CYTH1: variants seen among roughly 807,000 people sequenced by gnomAD.
The protein encoded by CYTH1 is cytohesin 1, also known as cytohesin-1.
Under a neutral mutation model 61.8 loss-of-function variants are expected in CYTH1, and 18 were observed. That is an observed-to-expected ratio of 0.29 (90% CI 0.20 to 0.43). CYTH1 has a LOEUF of 0.43. CYTH1 is among the 20% of genes least tolerant of loss of function. The pLI is 1.00. For missense variants in CYTH1, 336 were observed against 510.5 expected, an observed-to-expected ratio of 0.66 and a Z score of 3.29; for synonymous variants, 174 against 184.3, an observed-to-expected ratio of 0.94 and a Z score of 0.45.
At chr17:78,730,667 T>G (rs1194570522) in intron 1 of CYTH1, among the ~76,000 whole-genome samples, 1 of 151,884 alleles carries the variant, frequency 6.6e-6, no homozygotes, top group African/African-American at 2.4e-5. Context: ...ATTATTATTA[T>G]TATTTTTTTG....
intron 1 of CYTH1, among the ~76,000 whole-genome samples, chr17:78,775,108 TCACACCATC>T (rs2093485898): frequency 6.6e-6 from 1 of 152,184 alleles, no homozygotes; most frequent in Non-Finnish European, 1.5e-5. Flanking sequence ...TCCCGAGGCA[TCACACCATC>T]CACAGACCAC....
intron 1 of CYTH1, among the ~76,000 whole-genome samples, chr17:78,775,418 C>T (rs2093487213): frequency 6.6e-6 from 1 of 152,208 alleles, no homozygotes; most frequent in Admixed American, 6.5e-5. Context: ...AATTGGACCT[C>T]AATGCTTCTC....
chr17:78,770,982 G>C (rs929653782), intron 1 of CYTH1, among the ~76,000 whole-genome samples: 1 of 152,116 alleles, frequency 6.6e-6, no homozygotes, highest in Admixed American at 6.5e-5. Context: ...ACAAAAACTG[G>C]CCAGGCGCAG....
chr17:78,693,193 G>A (rs931587923), intron 10 of CYTH1, among the ~76,000 whole-genome samples: 6 of 152,160 alleles, frequency 3.9e-5, no homozygotes, highest in Non-Finnish European at 7.4e-5. Context: ...AGCCTTTTCC[G>A]TTCTGGGCTT....
At chr17:78,730,195 G>C (rs1194096458) in intron 1 of CYTH1, among the ~76,000 whole-genome samples, 2 of 151,788 alleles carry the variant, frequency 1.3e-5, no homozygotes, top group African/African-American at 2.4e-5. Flanking sequence ...AACACAAAGG[G>C]AAAGAGACTT....
chr17:78,712,085 G>GA (rs1282213887), intron 1 of CYTH1, among the ~76,000 whole-genome samples: 1 of 122,016 alleles, frequency 8.2e-6, no homozygotes, highest in African/African-American at 2.9e-5. Flanking sequence ...AAGAAAGAAG[G>GA]AAAGAAGGAA....
intron 10 of CYTH1, 48 bp from the exon 11 acceptor site, chr17:78,692,541 G>A (rs373955119): frequency 1.3e-6 from 2 of 1,585,110 alleles, no homozygotes; most frequent in East Asian, 4.5e-5. Flanking sequence ...AACCAGACAA[G>A]TGCAGGCTCC....
chr17:78,752,455 CAG>C (rs936629191), intron 1 of CYTH1, among the ~76,000 whole-genome samples: 2 of 152,058 alleles, frequency 1.3e-5, no homozygotes, highest in African/African-American at 4.8e-5. Flanking sequence ...TTTTTTGAGA[CAG>C]AGTCTTGCTC....
intron 1 of CYTH1, among the ~76,000 whole-genome samples, chr17:78,748,501 T>C (rs1444457843): frequency 6.6e-6 from 1 of 152,234 alleles, no homozygotes; most frequent in Non-Finnish European, 1.5e-5. Context: ...CACCAGCCAT[T>C]TAATGATAAA....
chr17:78,676,891 T>C, intron 13 of CYTH1: 1 of 420,454 alleles, frequency 2.4e-6, no homozygotes. Context: ...ACTTATGGTC[T>C]AAAAGTCCTG....
chr17:78,725,400 A>T (rs893728885), intron 1 of CYTH1, among the ~76,000 whole-genome samples: 5 of 152,150 alleles, frequency 3.3e-5, no homozygotes, highest in African/African-American at 1.2e-4. Flanking sequence ...TTTCCCAGGG[A>T]TTTCATGTGA....
chr17:78,759,415 G>A (rs2144703290), intron 1 of CYTH1, among the ~76,000 whole-genome samples: 1 of 152,218 alleles, frequency 6.6e-6, no homozygotes. Context: ...TACAGATCAG[G>A]GCTCTAAAAC....
In CYTH1 at chr17:78,675,943, A is replaced by G. The variant is rs764101470; in HGVS notation, c.*148T>C. On this transcript the variant is annotated 3_prime_UTR_variant, in exon 14 of 14. Coordinates refer to ENST00000446868, the MANE Select transcript of CYTH1 (RefSeq NM_004762.6). ...ACTGCCCACCCTTCTCCCACTTAAA[A>G]AAAATAGCAAAAGCTGAAGCTAGTC... The G allele has an allele frequency of 3.2e-5, 50 of 1,547,486 alleles. No homozygotes were observed. The highest frequency in any genetic ancestry group is 4.3e-5 in the Non-Finnish European group (49 of 1,145,432).
In CYTH1 at chr17:78,717,234, G is replaced by A. The variant is rs12951261; in HGVS notation, c.23-7502C>T. ...TGAGCACAATGGAGACAAACCAGAG[G>A]GGGAGCCGCCCTGACACACCACCCG... On this transcript the variant is annotated intron_variant, in intron 1 of 13. Transcript: ENST00000446868. The surrounding 1 kb of genome is among the most constrained non-coding windows in gnomAD (Gnocchi z 4.4). Among the ~76,000 whole-genome samples, 26 of 152,066 alleles carry A rather than the reference G, an allele frequency of 1.7e-4. No homozygotes were observed. Among genetic ancestry groups the A allele is most frequent in the African/African-American group, 6.0e-4 (25 of 41,370 alleles).
intron 1 of CYTH1, among the ~76,000 whole-genome samples, chr17:78,752,836 T>C (rs1365627330): frequency 6.6e-6 from 1 of 152,218 alleles, no homozygotes; most frequent in Non-Finnish European, 1.5e-5. Flanking sequence ...TTAAATACGA[T>C]ACTGAAAATG....
chr17:78,722,549 C>G (rs2093237709), intron 1 of CYTH1, among the ~76,000 whole-genome samples: 1 of 152,176 alleles, frequency 6.6e-6, no homozygotes, highest in Admixed American at 6.5e-5. Flanking sequence ...TGCCTGCCAG[C>G]TGCAACCACT....
intron 1 of CYTH1, among the ~76,000 whole-genome samples, chr17:78,722,666 T>C (rs1452674904): frequency 6.6e-6 from 1 of 152,208 alleles, no homozygotes; most frequent in African/African-American, 2.4e-5. Context: ...CTCAGATCTG[T>C]TTGTTTGCTA....
chr17:78,698,976 T>C lies in CYTH1; in HGVS notation c.551-8A>G. 1.2e-6 allele frequency: 2 copies of C among 1,609,050 alleles called. No individual in the cohort carries two copies. The highest frequency in any genetic ancestry group is 1.1e-5 in the South Asian group (1 of 89,884). ...AGAGGACGTAACAAGTATCTAAAGA[T>C]GAGAGAAAAGCAAAGGGGAGCCGTT... On this transcript the variant is annotated splice_region_variant and splice_polypyrimidine_tract_variant and intron_variant, in intron 7 of 13. Transcript: ENST00000446868.
intron 1 of CYTH1, among the ~76,000 whole-genome samples, chr17:78,734,432 CTTTTTTTTTTTTTTT>C (rs10557033): frequency 3.2e-5 from 2 of 62,720 alleles, no homozygotes; most frequent in Admixed American, 2.4e-4. Flanking sequence ...TAAAAAAAAG[CTTTTTTTTTTTTTTT>C]TTTTTTTTTT....
Sources: allele counts gnomAD v4.1 joint callset (sites outside exome capture counted in the v4.1 genomes callset), GRCh38; gene constraint gnomAD v4.1.1; non-coding constraint Gnocchi (gnomAD v3.1); transcripts MANE v1.5; gene names NCBI Gene and HGNC (gene_info 2026-07-23, HGNC 2026-07-21).